The following RIMS2 variants were observed in gnomAD, a reference collection of about 807,000 sequenced individuals.
The protein encoded by RIMS2 is regulating synaptic membrane exocytosis protein 2.
Under a neutral mutation model 174.4 loss-of-function variants are expected in RIMS2, and 59 were observed. That is an observed-to-expected ratio of 0.34 (90% CI 0.27 to 0.42). RIMS2 has a LOEUF of 0.42. Ranked by LOEUF, RIMS2 falls within the 10% of genes least tolerant of loss-of-function variation. The pLI, the probability that RIMS2 is intolerant of heterozygous loss-of-function variation, is 1.00. For missense variants in RIMS2, 1,620 were observed against 1,666.3 expected (o/e 0.97, Z 0.48); for synonymous variants, 606 against 572.5 (o/e 1.06, Z -0.84).
chr8:103,910,523 T>C (rs1313077208), intron 5 of RIMS2: 4 of 1,585,860 alleles, frequency 2.5e-6, no homozygotes, highest in South Asian at 1.1e-5. Context: ...ATAGCCATAG[T>C]GATAAGGTAC....
In RIMS2 at chr8:103,649,631, G is replaced by A. The variant is rs1380048514; in HGVS notation, c.177-47455G>A. ...TAATTTCATATTTTTTGGAGGTTTT[G>A]TTCATGCCTTTTCATTCTTTTTTTT... On this transcript the variant is annotated intron_variant, in intron 1 of 23. Coordinates refer to ENST00000504942, the Ensembl canonical transcript of RIMS2. 3.4e-5 allele frequency among the ~76,000 whole-genome samples: 5 copies of A among 147,946 alleles called. No homozygotes were observed. The East Asian group carries it at 9.8e-4, about 29-fold the overall frequency.
At chr8:103,505,757 T>C (rs1823220832) in intron 1 of RIMS2, among the ~76,000 whole-genome samples, 3 of 152,188 alleles carry the variant, frequency 2.0e-5, no homozygotes, top group Admixed American at 2.0e-4. Context: ...CAACTCAGTG[T>C]ATGGCAATCT....
chr8:103,512,252 AT>A, intron 1 of RIMS2, among the ~76,000 whole-genome samples: 1 of 152,300 alleles, frequency 6.6e-6, no homozygotes. Context: ...AAAGTTTAAC[AT>A]TTTGCCAACT....
At chr8:104,169,304 C>CTATATATATA (rs751636552) in intron 19 of RIMS2, among the ~76,000 whole-genome samples, 94 of 87,436 alleles carry the variant, frequency 1.1e-3, no homozygotes, top group African/African-American at 1.6e-3. Context: ...TTGTTGTTGG[C>CTATATATATA]TATATATATA....
intron 15 of RIMS2, among the ~76,000 whole-genome samples, chr8:103,964,715 G>A (rs1269835658): frequency 1.3e-5 from 2 of 152,032 alleles, no homozygotes; most frequent in African/African-American, 4.8e-5. Context: ...CATGCCTATG[G>A]TGTTATATCT....
chr8:103,879,343 GGAA>G (rs1387468586), intron 3 of RIMS2, among the ~76,000 whole-genome samples: 1 of 151,262 alleles, frequency 6.6e-6, no homozygotes, highest in African/African-American at 2.4e-5. Flanking sequence ...AAAGTAAAGA[GGAA>G]GAAGGATTGC....
In RIMS2 at chr8:103,900,246, A is replaced by G. The variant is rs559041548; in HGVS notation, c.1625-9888A>G. ...GAGATTTTGTTTGTTCGTTTGAGAT[A>G]GAGTCTCACTCTTGTCTCCCAGACT... is the stretch of plus-strand genomic sequence containing the variant. On this transcript the variant is annotated intron_variant, in intron 4 of 23. Transcript: ENST00000504942. Among the ~76,000 whole-genome samples the G allele has an allele frequency of 2.0e-5, 3 of 151,788 alleles. No individual in the cohort carries two copies. The East Asian group carries it at 5.8e-4, about 29-fold the overall frequency.
At chr8:103,994,266 T>C (rs1016030269) in intron 17 of RIMS2, among the ~76,000 whole-genome samples, 1 of 152,034 alleles carries the variant, frequency 6.6e-6, no homozygotes, top group African/African-American at 2.4e-5. Context: ...TCTTTAAAGG[T>C]TATATTGCTT....
At chr8:104,127,045 T>G (rs2098437745) in intron 19 of RIMS2, among the ~76,000 whole-genome samples, 1 of 152,100 alleles carries the variant, frequency 6.6e-6, no homozygotes, top group Admixed American at 6.6e-5. Flanking sequence ...TTATTATCCT[T>G]TTAGCAAGAA....
intron 19 of RIMS2, among the ~76,000 whole-genome samples, chr8:104,086,867 C>T (rs766361308): frequency 2.6e-5 from 4 of 152,112 alleles, no homozygotes; most frequent in Non-Finnish European, 2.9e-5. Context: ...CTCATTCTCT[C>T]CTAAGGAGTC....
chr8:103,948,953 C>A (rs1282440327), intron 14 of RIMS2, among the ~76,000 whole-genome samples: 1 of 140,494 alleles, frequency 7.1e-6, no homozygotes, highest in Non-Finnish European at 1.5e-5. Context: ...TAATGAGACC[C>A]CATTTTTACA....
intron 1 of RIMS2, among the ~76,000 whole-genome samples, chr8:103,630,038 A>G (rs2095874177): frequency 6.6e-6 from 1 of 152,006 alleles, no homozygotes; most frequent in Admixed American, 6.6e-5. Flanking sequence ...AAATTGGGGG[A>G]AAGTCATAAA....
intron 1 of RIMS2, among the ~76,000 whole-genome samples, chr8:103,649,989 G>C (rs1007272835): frequency 7.2e-5 from 11 of 152,148 alleles, no homozygotes; most frequent in Admixed American, 3.9e-4. Context: ...TCATTTGAAG[G>C]AGAAGAGCTG....
chr8:103,771,397 C>T (rs2098252102), intron 3 of RIMS2, among the ~76,000 whole-genome samples: 2 of 152,046 alleles, frequency 1.3e-5, no homozygotes, highest in African/African-American at 2.4e-5. Context: ...AAGTTGGATG[C>T]TTCATAATTT....
At chr8:103,638,413 T>G (rs1319066313) in intron 1 of RIMS2, among the ~76,000 whole-genome samples, 1 of 152,092 alleles carries the variant, frequency 6.6e-6, no homozygotes, top group African/African-American at 2.4e-5. Context: ...TTCATACCTT[T>G]CATGTTTCTT....
intron 3 of RIMS2, among the ~76,000 whole-genome samples, chr8:103,782,581 A>G (rs2154434019): frequency 6.6e-6 from 1 of 152,152 alleles, no homozygotes; most frequent in Admixed American, 6.6e-5. Flanking sequence ...TTGCGATATG[A>G]CCCACTAGAA....
At chr8:104,118,610 C>G (rs1030515083) in intron 19 of RIMS2, among the ~76,000 whole-genome samples, 1 of 152,072 alleles carries the variant, frequency 6.6e-6, no homozygotes, top group Non-Finnish European at 1.5e-5. Context: ...CTCAGGTGAT[C>G]TGCCTGCCTC....
chr8:104,252,511 T>C (rs2099361573), downstream of RIMS2: 1 of 147,250 alleles, frequency 6.8e-6, no homozygotes, highest in East Asian at 2.1e-4. Context: ...AATTATTTTC[T>C]TGGGGCTGCA....
intron 1 of RIMS2, among the ~76,000 whole-genome samples, chr8:103,554,841 A>G (rs942117832): frequency 1.3e-5 from 2 of 152,204 alleles, no homozygotes; most frequent in East Asian, 1.9e-4. Context: ...ATAACATGAA[A>G]TAGTATGCAG....
Sources: gnomAD v4.1 joint callset for allele counts (sites outside exome capture counted in the v4.1 genomes callset) on GRCh38, gnomAD v4.1.1 for gene constraint, MANE v1.5 for transcripts, NCBI Gene and HGNC (gene_info 2026-07-23, HGNC 2026-07-21) for gene names.